The following SNX14 variants were observed in gnomAD, a reference collection of about 807,000 sequenced individuals.
SNX14 encodes sorting nexin 14, also known as sorting nexin-14.
Under a neutral mutation model 133.8 loss-of-function variants are expected in SNX14, and 93 were observed. The observed-to-expected ratio is 0.70, with a 90% CI of 0.59 to 0.83. The LOEUF (loss-of-function observed/expected upper bound fraction) is 0.83. Ranked by LOEUF, SNX14 falls within the 40% of genes least tolerant of loss-of-function variation. The pLI, the probability that SNX14 is intolerant of heterozygous loss-of-function variation, is 0.00. For synonymous variants in SNX14, 368 were observed against 365.6 expected, an observed-to-expected ratio of 1.01 and a Z score of -0.07; for missense variants, 945 against 1,094.9, an observed-to-expected ratio of 0.86 and a Z score of 1.93.
intron 4 of SNX14, among the ~76,000 whole-genome samples, chr6:85,571,496 A>T (rs1278862599): frequency 6.6e-6 from 1 of 152,214 alleles, no homozygotes; most frequent in African/African-American, 2.4e-5. Flanking sequence ...TTAACATCCA[A>T]TTTGATTCAA....
chr6:85,570,777 C>T (rs1482318393), intron 4 of SNX14, among the ~76,000 whole-genome samples: 5 of 151,760 alleles, frequency 3.3e-5, no homozygotes, highest in South Asian at 2.1e-4. Flanking sequence ...CGTTTGAACT[C>T]GGGAGGCGGA....
intron 7 of SNX14, among the ~76,000 whole-genome samples, chr6:85,557,422 T>C (rs905819153): frequency 2.0e-5 from 3 of 152,154 alleles, no homozygotes; most frequent in Non-Finnish European, 2.9e-5. Context: ...ACATATGCTA[T>C]GTGCAAATCA....
chr6:85,577,374 C>T (rs1164810118), intron 1 of SNX14, among the ~76,000 whole-genome samples: 5 of 152,038 alleles, frequency 3.3e-5, no homozygotes, highest in African/African-American at 4.8e-5. Context: ...GCTGAGATCA[C>T]GCCACTGCAC....
chr6:85,505,993 C>G lies in SNX14; in HGVS notation c.2815G>C (p.Val939Leu), dbSNP rs1770496795. The change falls in exon 29 of 29, where the codon GTT (valine) becomes CTT (leucine). Residue 939 changes from valine (V) to leucine (L), a missense_variant. This residue lies in a region of SNX14 where 19 missense variants were observed against 39.4 expected (regional missense o/e 0.48). Coordinates refer to ENST00000314673, the MANE Select transcript of SNX14 (RefSeq NM_153816.6). ...TACATCCAAGATGTCACAGAGGTAA[C>G]TTCCTTTTGTACCTAAAGTAAAAAT... ...FPELNKVQKE[V>L]TSVTSWM 1 of 1,597,410 alleles carries G rather than the reference C, an allele frequency of 6.3e-7. No individual in the cohort carries two copies. The highest frequency in any genetic ancestry group is 8.6e-7 in the Non-Finnish European group (1 of 1,165,474).
In SNX14 at chr6:85,547,520, T is replaced by G. The variant is rs1213096290; in HGVS notation, c.898A>C (p.Ile300Leu). Residue 300 changes from isoleucine (I) to leucine (L), a missense_variant, in exon 10 of 29, where the codon ATA becomes CTA. Physicochemically the swap from Ile to Leu is conservative, Grantham distance 5. Transcript: ENST00000314673. ...DTVNHLLIIF[I>L]DDSPPEKATE... ...TCAATACTCACTGGACTGTCATCTA[T>G]GAAGATGATAAGCAAATGATTCACA... is the stretch of plus-strand genomic sequence containing the variant. 6.2e-7 allele frequency: 1 copy of G among 1,602,860 alleles called. No homozygotes were observed.
intron 1 of SNX14, among the ~76,000 whole-genome samples, chr6:85,586,404 G>A (rs1800875364): frequency 6.6e-6 from 1 of 152,160 alleles, no homozygotes; most frequent in African/African-American, 2.4e-5. Flanking sequence ...ATTTAGAAAA[G>A]CTTGAGATGT....
chr6:85,507,658 G>A (rs979400986), intron 27 of SNX14, among the ~76,000 whole-genome samples: 35 of 151,846 alleles, frequency 2.3e-4, no homozygotes, highest in African/African-American at 7.7e-4. Context: ...AATGTTAACT[G>A]GTTATTCTAT....
intron 6 of SNX14, among the ~76,000 whole-genome samples, chr6:85,559,330 A>G (rs1406039830): frequency 6.6e-6 from 1 of 152,236 alleles, no homozygotes; most frequent in Non-Finnish European, 1.5e-5. Context: ...TCAAATAAAC[A>G]AGATGTTATA....
chr6:85,555,261 T>C (rs1016193390), intron 7 of SNX14, among the ~76,000 whole-genome samples: 10 of 152,182 alleles, frequency 6.6e-5, no homozygotes, highest in African/African-American at 2.2e-4. Context: ...GTATTAAAAA[T>C]ACTTCCCCCG....
Position 85,530,195 on chromosome 6 carries a change from G to A in SNX14, c.1891C>T (p.His631Tyr). The change falls in exon 19 of 29, where the codon CAT (histidine) becomes TAT (tyrosine). Residue 631 changes from histidine to tyrosine, a missense_variant. Physicochemically the swap from His to Tyr is moderately conservative, Grantham distance 83. Coordinates refer to ENST00000314673, the MANE Select transcript of SNX14 (RefSeq NM_153816.6). ...YVLESKLTEFHGAFPDAQLPS... is the reference protein window; with the variant it reads ...YVLESKLTEFYGAFPDAQLPS... The stretch of plus-strand genomic sequence containing the variant: ...TTATCCAAAAAGAATAACATACCAT[G>A]AAATTCTGTTAGTTTTGATTCAAGT... 6.4e-7 allele frequency: 1 copy of A among 1,563,222 alleles called. No homozygotes were observed. The highest frequency in any genetic ancestry group is 1.7e-5 in the Admixed American group (1 of 57,762).
intron 1 of SNX14, among the ~76,000 whole-genome samples, chr6:85,582,746 C>T (rs1026056643): frequency 6.6e-6 from 1 of 152,104 alleles, no homozygotes; most frequent in African/African-American, 2.4e-5. Context: ...CCTGAATAGG[C>T]CAATAACAAG....
intron 1 of SNX14, 140 bp downstream of exon 1, chr6:85,593,439 G>A: frequency 7.6e-7 from 1 of 1,322,472 alleles, no homozygotes; most frequent in Non-Finnish European, 1.0e-6. Flanking sequence ...GCTCCCCGAG[G>A]CCGCTCCTCT....
At chr6:85,593,518 G>T (rs1345359200) in intron 1 of SNX14, 61 bp downstream of exon 1, 29 of 1,543,566 alleles carry the variant, frequency 1.9e-5, no homozygotes, top group Non-Finnish European at 2.5e-5. Flanking sequence ...TAAGCAGCAC[G>T]GGCCGGGCGT....
intron 20 of SNX14, 96 bp from the exon 21 acceptor site, chr6:85,526,333 G>T: frequency 1.4e-6 from 1 of 737,058 alleles, no homozygotes; most frequent in Non-Finnish European, 2.2e-6. Context: ...ATCCCCAAAA[G>T]CTACTTTATA....
chr6:85,592,311 G>T (rs1250271716), intron 1 of SNX14, among the ~76,000 whole-genome samples: 2 of 152,138 alleles, frequency 1.3e-5, no homozygotes, highest in Non-Finnish European at 2.9e-5. Flanking sequence ...ACAAATAATG[G>T]TTACACCAGA....
intron 5 of SNX14, 66 bp from the exon 6 acceptor site, chr6:85,565,485 A>C (rs1368943215): frequency 1.2e-5 from 15 of 1,248,902 alleles, no homozygotes. Flanking sequence ...TCTACAATCC[A>C]AGGGAAAATT....
chr6:85,572,067 T>A, intron 4 of SNX14, 70 bp downstream of exon 4: 1 of 1,355,246 alleles, frequency 7.4e-7, no homozygotes, highest in Non-Finnish European at 1.0e-6. Context: ...ATTTTTTGAT[T>A]AAAAATTCTG....
chr6:85,571,075 C>A (rs969312419), intron 4 of SNX14, among the ~76,000 whole-genome samples: 18 of 151,794 alleles, frequency 1.2e-4, no homozygotes, highest in Non-Finnish European at 2.4e-4. Flanking sequence ...CTTAGAGGCC[C>A]GGCATGGTGG....
intron 8 of SNX14, 134 bp from the exon 9 acceptor site, chr6:85,548,510 A>G (rs991719882): frequency 1.1e-5 from 7 of 623,492 alleles, no homozygotes; most frequent in South Asian, 2.4e-5. Context: ...TTAGGCCCTA[A>G]AAGTCTGCAT....
Sources: allele counts gnomAD v4.1 joint callset (sites outside exome capture counted in the v4.1 genomes callset), GRCh38; gene constraint gnomAD v4.1.1; regional missense constraint gnomAD v4.1.1; transcripts MANE v1.5; gene names NCBI Gene and HGNC (gene_info 2026-07-23, HGNC 2026-07-21).